Variants in COL26A1 observed in about 807,000 individuals in gnomAD.
COL26A1 encodes the protein collagen type XXVI alpha 1 chain, also known as collagen alpha-1(XXVI) chain.
COL26A1 carries 41 observed loss-of-function variants against 59.3 expected under a neutral mutation model. The observed-to-expected ratio is 0.69, with a 90% confidence interval of 0.54 to 0.90. COL26A1 has a LOEUF of 0.90. Ranked by LOEUF, COL26A1 falls within the 40% of genes least tolerant of loss-of-function variation. COL26A1 has a pLI of 0.00. For synonymous variants in COL26A1, 266 were observed against 256.0 expected (o/e 1.04, Z -0.37); for missense variants, 612 against 602.3 (o/e 1.02, Z -0.17).
intron 3 of COL26A1, among the ~76,000 whole-genome samples, chr7:101,507,355 A>C (rs1296953282): frequency 6.6e-6 from 1 of 152,078 alleles, no homozygotes; most frequent in Admixed American, 6.5e-5. Context: ...CATCCCGTGG[A>C]TTCTTCTGTC....
chr7:101,449,134 A>T (rs1056971606), intron 3 of COL26A1, among the ~76,000 whole-genome samples: 2 of 152,154 alleles, frequency 1.3e-5, no homozygotes, highest in African/African-American at 4.8e-5. Context: ...TCCAGGGCTG[A>T]CTTGGACCCT....
At chr7:101,442,818 CTG>C (rs768450558) in intron 2 of COL26A1, among the ~76,000 whole-genome samples, 140 of 152,120 alleles carry the variant, frequency 9.2e-4, no homozygotes, top group African/African-American at 3.2e-3. Flanking sequence ...ATGAGTGAGT[CTG>C]AGGGTGCTGA....
chr7:101,442,783 T>C (rs1793090759), intron 2 of COL26A1, among the ~76,000 whole-genome samples: 2 of 152,206 alleles, frequency 1.3e-5, no homozygotes, highest in African/African-American at 4.8e-5. Context: ...CATAATTGCG[T>C]ACAAGTGTGT....
chr7:101,382,217 T>A (rs546620439), intron 1 of COL26A1, among the ~76,000 whole-genome samples: 24 of 152,136 alleles, frequency 1.6e-4, no homozygotes, highest in Non-Finnish European at 2.9e-4. Context: ...TCTGGTCAAT[T>A]TTTAAATATT....
intron 1 of COL26A1, among the ~76,000 whole-genome samples, chr7:101,387,778 A>ATATTTTTTT (rs773025730): frequency 4.0e-4 from 34 of 84,798 alleles, no homozygotes; most frequent in African/African-American, 1.6e-3. Context: ...ATATATATAT[A>ATATTTTTTT]TTTTTTTTTA....
intron 3 of COL26A1, among the ~76,000 whole-genome samples, chr7:101,449,130 G>C (rs923885419): frequency 5.9e-5 from 9 of 152,164 alleles, no homozygotes. Context: ...AGGTTCCAGG[G>C]CTGACTTGGA....
chr7:101,418,177 T>G (rs927708988), intron 1 of COL26A1, among the ~76,000 whole-genome samples: 19 of 152,082 alleles, frequency 1.2e-4, no homozygotes, highest in African/African-American at 3.6e-4. Context: ...CAATGCCTGA[T>G]TCCTGAAACC....
chr7:101,470,801 T>C (rs1723474044), intron 3 of COL26A1, among the ~76,000 whole-genome samples: 1 of 152,036 alleles, frequency 6.6e-6, no homozygotes, highest in South Asian at 2.1e-4. Flanking sequence ...CAATCTCATC[T>C]TTCTTCTCTT....
chr7:101,489,997 C>T (rs2130527151), intron 3 of COL26A1, among the ~76,000 whole-genome samples: 1 of 148,890 alleles, frequency 6.7e-6, no homozygotes, highest in Non-Finnish European at 1.5e-5. Context: ...AGTGCAATGG[C>T]CCGATCTCGG....
At chr7:101,381,178 T>C (rs1047510078) in intron 1 of COL26A1, among the ~76,000 whole-genome samples, 6 of 152,220 alleles carry the variant, frequency 3.9e-5, no homozygotes, top group Admixed American at 2.0e-4. Context: ...AGGGCTGGTC[T>C]TTTTGGAGGC....
At chr7:101,434,154 C>CCCCT in intron 2 of COL26A1, among the ~76,000 whole-genome samples, 1 of 141,028 alleles carries the variant, frequency 7.1e-6, no homozygotes, top group African/African-American at 2.7e-5. Flanking sequence ...CTCTTTCTCT[C>CCCCT]TCGTTCTTTC....
chr7:101,463,770 CTTCT>C (rs1307312490), intron 3 of COL26A1, among the ~76,000 whole-genome samples: 115 of 37,112 alleles, frequency 3.1e-3, no homozygotes, highest in African/African-American at 0.018. Context: ...CTTTTCCTTC[CTTCT>C]TTCTTTCTTT....
At position 101,447,738 on chromosome 7, in the gene COL26A1, G is replaced by A; in HGVS notation, c.336G>A (p.Val112=). Residue 112 remains valine (V), a synonymous_variant, in exon 3 of 13, where the codon GTG becomes GTA. Transcript: ENST00000313669. ...GAGTGTCCTACCGCACGGTGACGGT[G>A]CTGGAGTGGAGATGCTGCCCTGGCT... The part of the protein sequence containing the change: ...TYRVSYRTVT[V]LEWRCCPGFT... 6.2e-7 allele frequency: 1 copy of A among 1,607,228 alleles called. No homozygotes were observed. The highest frequency in any genetic ancestry group is 8.5e-7 in the Non-Finnish European group (1 of 1,177,036).
At chr7:101,465,761 A>G (rs1393780088) in intron 3 of COL26A1, among the ~76,000 whole-genome samples, 1 of 151,844 alleles carries the variant, frequency 6.6e-6, no homozygotes, top group African/African-American at 2.4e-5. Flanking sequence ...CGTGGCAGTG[A>G]TATAAGACAT....
At chr7:101,545,690 C>T (rs571683195) in intron 7 of COL26A1, among the ~76,000 whole-genome samples, 200 bp downstream of exon 7, 2 of 152,342 alleles carry the variant, frequency 1.3e-5, no homozygotes, top group African/African-American at 4.8e-5. Context: ...TGACAGGGAA[C>T]AGCTTGGGAG....
chr7:101,368,289 G>A (rs4729698), intron 1 of COL26A1, among the ~76,000 whole-genome samples: 3 of 151,844 alleles, frequency 2.0e-5, no homozygotes, highest in Middle Eastern at 3.2e-3. Context: ...TGATCATTGC[G>A]TATGTCATTC....
At chr7:101,501,055 A>G (rs986453897) in intron 3 of COL26A1, among the ~76,000 whole-genome samples, 57 of 149,088 alleles carry the variant, frequency 3.8e-4, no homozygotes, top group Non-Finnish European at 7.1e-4. Context: ...GCATGGTGGT[A>G]GGCGCCTGTA....
intron 3 of COL26A1, among the ~76,000 whole-genome samples, chr7:101,462,281 A>G (rs994453745): frequency 6.6e-6 from 1 of 151,676 alleles, no homozygotes; most frequent in Non-Finnish European, 1.5e-5. Flanking sequence ...TACAGGCTTG[A>G]GCCACCGCAC....
At chr7:101,546,401 ATTT>A (rs79673492) in intron 7 of COL26A1, among the ~76,000 whole-genome samples, 5,909 of 141,876 alleles carry the variant, frequency 0.042, 123 homozygotes, top group Middle Eastern at 0.13. Flanking sequence ...CATCTAACTA[ATTT>A]TTTTTTTTTT....
Sources: allele counts gnomAD v4.1 joint callset (sites outside exome capture counted in the v4.1 genomes callset), GRCh38; gene constraint gnomAD v4.1.1; transcripts MANE v1.5; gene names NCBI Gene and HGNC (gene_info 2026-07-23, HGNC 2026-07-21).